The following NEIL2 variants were observed in gnomAD, a reference collection of about 807,000 sequenced individuals.
NEIL2 encodes endonuclease 8-like 2.
NEIL2 carries 23 observed loss-of-function variants against 22.2 expected under a neutral mutation model. That is an observed-to-expected ratio of 1.04 (90% CI 0.75 to 1.47). The LOEUF is 1.47. Among genes scored for constraint, NEIL2 ranks in the 40% most tolerant of loss-of-function variants. The probability of loss-of-function intolerance (pLI) is 0.00; values close to 1 mark genes in which losing one functional copy is unlikely to be tolerated. For synonymous variants in NEIL2, 229 were observed against 164.8 expected (o/e 1.39, Z -2.99); for missense variants, 583 against 404.7 (o/e 1.44, Z -3.78).
Position 11,771,482 on chromosome 8 carries a change from A to T in NEIL2, c.35A>T (p.His12Leu). Residue 12 changes from histidine to leucine, a missense_variant, in exon 2 of 5, where the codon CAT (histidine) becomes CTT (leucine). His to Leu is a moderately conservative substitution (Grantham distance 99). Coordinates refer to ENST00000284503, the MANE Select transcript of NEIL2 (RefSeq NM_145043.4). ...PEGPLVRKFH[H>L]LVSPFVGQQV... ...GGGCCGTTGGTGAGGAAATTTCACC[A>T]TTTGGTCTCCCCCTTTGTGGGTCAG... 6.2e-7 allele frequency: 1 copy of T among 1,613,980 alleles called. No homozygotes were observed.
At chr8:11,783,922 C>G (rs925777351) in intron 4 of NEIL2, among the ~76,000 whole-genome samples, 13 of 152,248 alleles carry the variant, frequency 8.5e-5, no homozygotes, top group African/African-American at 2.9e-4. Flanking sequence ...GTTTCCCTCT[C>G]TCTATTGCAG....
intron 3 of NEIL2, among the ~76,000 whole-genome samples, chr8:11,781,330 G>A (rs1225048141): frequency 6.6e-6 from 1 of 152,150 alleles, no homozygotes; most frequent in Non-Finnish European, 1.5e-5. Flanking sequence ...TCCTGTTTTT[G>A]TGATTCTCCT....
At chr8:11,772,878 C>T (rs1434008076) in intron 2 of NEIL2, among the ~76,000 whole-genome samples, 1 of 152,186 alleles carries the variant, frequency 6.6e-6, no homozygotes, top group Admixed American at 6.5e-5. Flanking sequence ...ACGGGTACTC[C>T]ATAAGTACTA....
At position 11,786,526 on chromosome 8, in the gene NEIL2, A is replaced by G; in HGVS notation, c.*253A>G. The G allele has an allele frequency of 1.9e-6, 1 of 532,524 alleles. No individual in the cohort carries two copies. The highest frequency in any genetic ancestry group is 2.1e-5 in the South Asian group (1 of 48,338). The allele number at this position is 532,524 out of a possible 1,614,324, so 33.0% of individuals were successfully genotyped here. A position where few individuals can be genotyped will look rare whatever the true frequency, so the allele number is the denominator to read the frequency against. ...ATCGTGAAAGATGGGAAAAATCGTG[A>G]TGATGGGTAAGGGGAAAACTTCCCG... On this transcript the variant is annotated 3_prime_UTR_variant, in exon 5 of 5. Transcript: ENST00000284503.
intron 2 of NEIL2, 42 bp from the exon 3 acceptor site, chr8:11,779,556 C>G (rs766487909): frequency 1.5e-5 from 22 of 1,455,906 alleles, no homozygotes; most frequent in South Asian, 5.7e-5. Flanking sequence ...CAGTTCCCCT[C>G]TCTGGGTCTG....
chr8:11,783,931 A>C (rs1804672566), intron 4 of NEIL2, among the ~76,000 whole-genome samples: 1 of 152,242 alleles, frequency 6.6e-6, no homozygotes, highest in Non-Finnish European at 1.5e-5. Context: ...TCTCTATTGC[A>C]GTGGCGTGAG....
intron 2 of NEIL2, among the ~76,000 whole-genome samples, chr8:11,775,887 C>G (rs188965505): frequency 6.6e-6 from 1 of 152,208 alleles, no homozygotes; most frequent in African/African-American, 2.4e-5. Flanking sequence ...TTGATCAAAG[C>G]CATTCAACAA....
Position 11,786,561 on chromosome 8 carries a change from G to A in NEIL2, c.*288G>A, listed in dbSNP as rs1174697696. 2.0e-6 allele frequency: 1 copy of A among 494,444 alleles called. No homozygotes were observed. The highest frequency in any genetic ancestry group is 3.7e-6 in the Non-Finnish European group (1 of 272,428). 30.6% of individuals were successfully genotyped at this position (494,444 alleles called of 1,614,324 possible). ...AGGGGAAAACTTCCCGGAAGGCAATGGGGCAAGGAAAAAGAAAGCCTATGG... is the reference window on the plus strand; with the variant it reads ...AGGGGAAAACTTCCCGGAAGGCAATAGGGCAAGGAAAAAGAAAGCCTATGG... On this transcript the variant is annotated 3_prime_UTR_variant, in exon 5 of 5. Coordinates refer to ENST00000284503, the MANE Select transcript of NEIL2 (RefSeq NM_145043.4).
At position 11,786,069 on chromosome 8, in the gene NEIL2, G is replaced by A. The variant is rs751959881; in HGVS notation, c.795G>A (p.Val265=). 6 of 1,614,038 alleles carry A rather than the reference G, an allele frequency of 3.7e-6. No homozygotes were observed. Among genetic ancestry groups the A allele is most frequent in the African/African-American group, 2.7e-5 (2 of 74,900 alleles). The part of the protein sequence containing the change: ...SRREVLVDHV[V]EFSTAWLQGK... The stretch of plus-strand genomic sequence containing the variant: ...GGGAGGTCCTGGTGGATCACGTGGT[G>A]GAGTTCAGTACAGCCTGGCTGCAGG... Residue 265 remains valine, a synonymous_variant, in exon 5 of 5, where the codon GTG becomes GTA. Coordinates refer to ENST00000284503, the MANE Select transcript of NEIL2 (RefSeq NM_145043.4).
intron 3 of NEIL2, among the ~76,000 whole-genome samples, chr8:11,782,272 A>C (rs8191629): frequency 6.0e-4 from 91 of 152,050 alleles, no homozygotes; most frequent in African/African-American, 2.2e-3. Flanking sequence ...AAAAGTACAA[A>C]AAGTTAGCCA....
chr8:11,770,739 G>C (rs1160069791), intron 1 of NEIL2, among the ~76,000 whole-genome samples: 1 of 152,134 alleles, frequency 6.6e-6, no homozygotes, highest in Non-Finnish European at 1.5e-5. Flanking sequence ...GCCTCATGTA[G>C]GCGGCTGTCA....
rs986508653 is a variant in NEIL2, at chr8:11,786,371, T to G, written c.*98T>G. 2.5e-5 allele frequency: 30 copies of G among 1,224,346 alleles called. No homozygotes were observed. The highest frequency in any genetic ancestry group is 3.4e-5 in the Non-Finnish European group (29 of 850,178). 75.8% of individuals were successfully genotyped at this position (1,224,346 alleles called of 1,614,324 possible). On this transcript the variant is annotated 3_prime_UTR_variant, in exon 5 of 5. Transcript: ENST00000284503. ...GTGGGCAGGGACGGGGTACAGAGGA[T>G]AGTGTGGGTCAGAGGTGCCAGTAGT... is the stretch of plus-strand genomic sequence containing the variant.
At chr8:11,784,159 C>G (rs949852163) in intron 4 of NEIL2, among the ~76,000 whole-genome samples, 3 of 152,208 alleles carry the variant, frequency 2.0e-5, no homozygotes, top group Non-Finnish European at 2.9e-5. Context: ...TGCTCACCAC[C>G]CTTCACGAGG....
In NEIL2 at chr8:11,783,285, C is replaced by T. The variant is rs1347324504; in HGVS notation, c.574C>T (p.Pro192Ser). Reference protein sequence around the residue: ...LSWSSSPVVTPTCDILSEKFH... With the variant: ...LSWSSSPVVTSTCDILSEKFH... Reference sequence around the variant, plus strand: ...TTGGAGCTCTTCCCCAGTGGTCACACCCACCTGTGACATCCTGTCTGAGAA... The same window carrying T: ...TTGGAGCTCTTCCCCAGTGGTCACATCCACCTGTGACATCCTGTCTGAGAA... Residue 192 changes from proline (P) to serine (S), a missense_variant, in exon 4 of 5, where the codon CCC becomes TCC. By Grantham distance (74) the Pro-to-Ser change is moderately conservative. Transcript: ENST00000284503. 3 of 1,613,934 alleles carry T rather than the reference C, an allele frequency of 1.9e-6. No individual in the cohort carries two copies. The highest frequency in any genetic ancestry group is 2.5e-6 in the Non-Finnish European group (3 of 1,179,762).
At chr8:11,779,567 T>C in intron 2 of NEIL2, 31 bp from the exon 3 acceptor site, 1 of 1,533,444 alleles carries the variant, frequency 6.5e-7, no homozygotes, top group South Asian at 1.1e-5. Context: ...TCTGGGTCTG[T>C]AAGGCTTGGA....
In NEIL2 at chr8:11,786,379, G is replaced by T. The variant is rs1804956425; in HGVS notation, c.*106G>T. On this transcript the variant is annotated 3_prime_UTR_variant, in exon 5 of 5. Coordinates refer to ENST00000284503, the MANE Select transcript of NEIL2 (RefSeq NM_145043.4). ...GGACGGGGTACAGAGGATAGTGTGG[G>T]TCAGAGGTGCCAGTAGTATAATATT... is the stretch of plus-strand genomic sequence containing the variant. The T allele has an allele frequency of 9.2e-7, 1 of 1,082,188 alleles. No individual in the cohort carries two copies. Among genetic ancestry groups the T allele is most frequent in the Non-Finnish European group, 1.4e-6 (1 of 720,928 alleles). 67.0% of individuals were successfully genotyped at this position (1,082,188 alleles called of 1,614,324 possible).
chr8:11,774,936 G>C (rs1554503988), intron 2 of NEIL2, among the ~76,000 whole-genome samples: 1 of 152,234 alleles, frequency 6.6e-6, no homozygotes, highest in Non-Finnish European at 1.5e-5. Flanking sequence ...GCTTTGGTAG[G>C]GTACAGTCCG....
intron 2 of NEIL2, among the ~76,000 whole-genome samples, chr8:11,775,966 C>T (rs529215712): frequency 6.6e-6 from 1 of 152,226 alleles, no homozygotes; most frequent in Non-Finnish European, 1.5e-5. Context: ...CTGTTTCAAC[C>T]TCTGCCTGTT....
At chr8:11,771,882 A>C (rs1803482351) in intron 2 of NEIL2, among the ~76,000 whole-genome samples, 1 of 152,134 alleles carries the variant, frequency 6.6e-6, no homozygotes, top group Admixed American at 6.5e-5. Flanking sequence ...ACTGTGTTCT[A>C]TTCCCCTGAG....
Sources: allele counts gnomAD v4.1 joint callset (sites outside exome capture counted in the v4.1 genomes callset), GRCh38; gene constraint gnomAD v4.1.1; transcripts MANE v1.5; gene names NCBI Gene and HGNC (gene_info 2026-07-23, HGNC 2026-07-21).